GRIN2B: variants seen among roughly 807,000 people sequenced by gnomAD.
GRIN2B encodes the protein glutamate receptor ionotropic, NMDA 2B.
Under a neutral mutation model 114.5 loss-of-function variants are expected in GRIN2B, and 5 were observed. That is an observed-to-expected ratio of 0.04 (90% CI 0.02 to 0.09). The LOEUF (loss-of-function observed/expected upper bound fraction) is 0.09, where lower values mean the gene tolerates loss of function less well. GRIN2B is among the 10% of genes least tolerant of loss of function. The pLI is 1.00. For synonymous variants in GRIN2B, 787 were observed against 745.1 expected (o/e 1.06, Z -0.92); for missense variants, 1,108 against 1,943.5 (o/e 0.57, Z 8.08).
At chr12:13,842,917 CTTTTTTTTT>C (rs201344138) in intron 3 of GRIN2B, among the ~76,000 whole-genome samples, 4 of 103,222 alleles carry the variant, frequency 3.9e-5, no homozygotes, top group African/African-American at 1.4e-4. Flanking sequence ...ATTGGTTTTT[CTTTTTTTTT>C]TTTTTTTTTT....
intron 10 of GRIN2B, among the ~76,000 whole-genome samples, chr12:13,595,199 G>C (rs1949056866): frequency 6.6e-6 from 1 of 152,210 alleles, no homozygotes; most frequent in Non-Finnish European, 1.5e-5. Context: ...CTGAATGAAT[G>C]AATGGCTGAA....
chr12:13,566,001 T>C (rs908775510), intron 13 of GRIN2B, among the ~76,000 whole-genome samples: 2 of 152,158 alleles, frequency 1.3e-5, no homozygotes, highest in Non-Finnish European at 1.5e-5. Context: ...CTCCCATGGC[T>C]TCTGGTGTTC....
intron 5 of GRIN2B, among the ~76,000 whole-genome samples, chr12:13,636,582 A>T (rs1241056832): frequency 3.3e-5 from 5 of 152,150 alleles, no homozygotes; most frequent in African/African-American, 1.2e-4. Context: ...AGGTGGAGAT[A>T]AGAGGATTTG....
At chr12:13,780,771 T>C (rs77821355) in intron 3 of GRIN2B, among the ~76,000 whole-genome samples, 3,507 of 151,306 alleles carry the variant, frequency 0.023, 126 homozygotes, top group African/African-American at 0.08. Context: ...ATGACATTAC[T>C]TGTGGAGAAA....
chr12:13,743,989 T>G (rs566761237), intron 4 of GRIN2B, among the ~76,000 whole-genome samples: 55 of 152,350 alleles, frequency 3.6e-4, no homozygotes, highest in Admixed American at 9.1e-4. Flanking sequence ...CTATTCCTGT[T>G]GCTTGTCAGG....
chr12:13,919,949 G>A (rs552449326), intron 2 of GRIN2B, among the ~76,000 whole-genome samples: 5 of 152,278 alleles, frequency 3.3e-5, no homozygotes, highest in African/African-American at 1.2e-4. Flanking sequence ...TCACATTCCT[G>A]CAGAGGAATA....
chr12:13,838,260 G>A (rs778620458), intron 3 of GRIN2B, among the ~76,000 whole-genome samples: 2 of 152,014 alleles, frequency 1.3e-5, no homozygotes, highest in Non-Finnish European at 2.9e-5. Context: ...AGTCAGCCTC[G>A]GCCCAAAGCA....
chr12:13,706,544 G>A (rs1312539789), intron 4 of GRIN2B, among the ~76,000 whole-genome samples: 1 of 152,060 alleles, frequency 6.6e-6, no homozygotes, highest in Non-Finnish European at 1.5e-5. Flanking sequence ...CCAGCTTTAT[G>A]CCATGTTGCT....
chr12:13,757,750 C>T (rs1031401679), intron 3 of GRIN2B, among the ~76,000 whole-genome samples: 2 of 152,158 alleles, frequency 1.3e-5, no homozygotes, highest in Admixed American at 6.5e-5. Flanking sequence ...TAGAATTGTA[C>T]ACTAGACCCT....
At chr12:13,722,242 G>C (rs976140529) in intron 4 of GRIN2B, among the ~76,000 whole-genome samples, 1 of 152,092 alleles carries the variant, frequency 6.6e-6, no homozygotes, top group African/African-American at 2.4e-5. Flanking sequence ...AAAAGCAGAC[G>C]TGTGGTCAAG....
At chr12:13,898,293 A>G (rs1306530139) in intron 2 of GRIN2B, among the ~76,000 whole-genome samples, 1 of 152,190 alleles carries the variant, frequency 6.6e-6, no homozygotes, top group East Asian at 1.9e-4. Context: ...TAATAATGTC[A>G]TTTATTGAGT....
At chr12:13,749,673 G>T (rs1182065335) in intron 4 of GRIN2B, among the ~76,000 whole-genome samples, 1 of 152,190 alleles carries the variant, frequency 6.6e-6, no homozygotes, top group African/African-American at 2.4e-5. Context: ...CTCTGAAGGG[G>T]TGGAGAGTCT....
intron 3 of GRIN2B, among the ~76,000 whole-genome samples, chr12:13,755,900 T>A (rs990247192): frequency 2.6e-5 from 4 of 152,226 alleles, no homozygotes; most frequent in Admixed American, 6.5e-5. Flanking sequence ...CCTTCCACCC[T>A]GTGAGGACAG....
intron 2 of GRIN2B, among the ~76,000 whole-genome samples, chr12:13,891,089 T>C (rs1432007155): frequency 2.0e-5 from 3 of 152,234 alleles, no homozygotes; most frequent in African/African-American, 7.2e-5. Flanking sequence ...TTTTTAAATA[T>C]GTTACGTATT....
At chr12:13,957,118 C>T (rs1252233050) in intron 2 of GRIN2B, among the ~76,000 whole-genome samples, 3 of 152,134 alleles carry the variant, frequency 2.0e-5, no homozygotes, top group Non-Finnish European at 4.4e-5. Flanking sequence ...CAGGCCACAC[C>T]ATGCCATACC....
In GRIN2B at chr12:13,675,808, A is replaced by G. The variant is rs1364445530; in HGVS notation, c.1062T>C (p.Asp354=). 6.2e-7 allele frequency: 1 copy of G among 1,611,982 alleles called. No individual in the cohort carries two copies. The highest frequency in any genetic ancestry group is 8.5e-7 in the Non-Finnish European group (1 of 1,178,246). ...CCAGTTTCGGGTGCATCTGGTAGCC[A>G]TCTTCACTGAAGGACAAATTCCTCC... The part of the protein sequence containing the change: ...FEGRNLSFSE[D]GYQMHPKLVI... Residue 354 remains aspartate (D), a synonymous_variant, in exon 5 of 14, where the codon GAT becomes GAC. Coordinates refer to ENST00000609686, the MANE Select transcript of GRIN2B (RefSeq NM_000834.5).
chr12:13,727,140 C>T (rs557313994), intron 4 of GRIN2B, among the ~76,000 whole-genome samples: 3 of 152,272 alleles, frequency 2.0e-5, no homozygotes, highest in South Asian at 2.1e-4. Flanking sequence ...AAATTCTTCA[C>T]TCTTAACCCT....
chr12:13,924,950 T>C (rs1477642842), intron 2 of GRIN2B, among the ~76,000 whole-genome samples: 1 of 152,098 alleles, frequency 6.6e-6, no homozygotes, highest in Non-Finnish European at 1.5e-5. Flanking sequence ...GGACAAAACC[T>C]TCCTTAAGGC....
intron 3 of GRIN2B, among the ~76,000 whole-genome samples, chr12:13,855,620 T>C (rs1360694365): frequency 6.6e-6 from 1 of 152,162 alleles, no homozygotes; most frequent in Non-Finnish European, 1.5e-5. Flanking sequence ...ACCACCTCTA[T>C]CTCTCTTTAT....
Sources: gnomAD v4.1 joint callset for allele counts (sites outside exome capture counted in the v4.1 genomes callset) on GRCh38, gnomAD v4.1.1 for gene constraint, MANE v1.5 for transcripts, NCBI Gene and HGNC (gene_info 2026-07-23, HGNC 2026-07-21) for gene names.